The following ATP2A2 variants were observed in gnomAD, a reference collection of about 807,000 sequenced individuals.
ATP2A2 encodes ATPase sarcoplasmic/endoplasmic reticulum Ca2+ transporting 2.
Under a neutral mutation model 109.3 loss-of-function variants are expected in ATP2A2, and 14 were observed. The ratio of observed to expected loss-of-function variants is 0.13; its 90% CI spans 0.08 to 0.20. The LOEUF (loss-of-function observed/expected upper bound fraction) is 0.20. Ranked by LOEUF, ATP2A2 falls within the 10% of genes least tolerant of loss-of-function variation. The probability of loss-of-function intolerance (pLI) is 1.00; values close to 1 mark genes in which losing one functional copy is unlikely to be tolerated. For synonymous variants in ATP2A2, 506 were observed against 490.9 expected (o/e 1.03, Z -0.41); for missense variants, 657 against 1,321.6 (o/e 0.50, Z 7.80).
chr12:110,299,131 C>T (rs780184535), intron 5 of ATP2A2, among the ~76,000 whole-genome samples: 1 of 152,010 alleles, frequency 6.6e-6, no homozygotes, highest in Non-Finnish European at 1.5e-5. Context: ...AACCAAGCTC[C>T]TAGCTAAGTT....
intron 5 of ATP2A2, 132 bp downstream of exon 5, chr12:110,296,869 C>G (rs1874016702): frequency 9.6e-7 from 1 of 1,041,740 alleles, no homozygotes. Context: ...GCCATTCATA[C>G]AAATCCTACA....
chr12:110,282,420 T>C (rs1234280193), intron 1 of ATP2A2, among the ~76,000 whole-genome samples, 184 bp from the exon 2 acceptor site: 1 of 152,214 alleles, frequency 6.6e-6, no homozygotes, highest in African/African-American at 2.4e-5. Context: ...CCTTGAGATA[T>C]CTTCGTGGTA....
chr12:110,302,185 A>G (rs1241361765), intron 5 of ATP2A2, among the ~76,000 whole-genome samples: 2 of 152,196 alleles, frequency 1.3e-5, no homozygotes, highest in African/African-American at 2.4e-5. Flanking sequence ...GTTCTGTGGC[A>G]TTAAGTACAT....
At chr12:110,322,045 C>G (rs1300263620) in intron 5 of ATP2A2, among the ~76,000 whole-genome samples, 1 of 151,816 alleles carries the variant, frequency 6.6e-6, no homozygotes, top group African/African-American at 2.4e-5. Flanking sequence ...GGCTGGAGTG[C>G]AGTGGCGCGA....
At chr12:110,282,964 G>A (rs1226496165) in intron 3 of ATP2A2, among the ~76,000 whole-genome samples, 169 bp downstream of exon 3, 1 of 152,186 alleles carries the variant, frequency 6.6e-6, no homozygotes, top group Non-Finnish European at 1.5e-5. Context: ...CAAAACACTT[G>A]AAGCCATTGG....
chr12:110,314,919 T>TG (rs1876501745), intron 5 of ATP2A2, among the ~76,000 whole-genome samples: 1 of 149,838 alleles, frequency 6.7e-6, no homozygotes, highest in African/African-American at 2.5e-5. Flanking sequence ...CAGGCTGGAG[T>TG]GCAGTGGCAT....
chr12:110,323,157 C>T, intron 6 of ATP2A2, 85 bp downstream of exon 6: 3 of 995,528 alleles, frequency 3.0e-6, no homozygotes, highest in Non-Finnish European at 4.8e-6. Flanking sequence ...CTCACTGTCC[C>T]TTTATGGTAT....
chr12:110,346,764 TA>T lies in ATP2A2; in HGVS notation c.*302del, dbSNP rs758310383. On this transcript the variant is annotated 3_prime_UTR_variant, in exon 20 of 20. Transcript: ENST00000539276. Reference sequence around the variant, plus strand: ...GTTCTGTTTAATACTCATCCTTGTATAAAAAAAATAGTTGAGCCAGCAGACA... The same window carrying T: ...GTTCTGTTTAATACTCATCCTTGTATAAAAAAATAGTTGAGCCAGCAGACA... 6.2e-5 allele frequency: 74 copies of T among 1,197,046 alleles called. No individual in the cohort carries two copies. The highest frequency in any genetic ancestry group is 2.5e-4 in the East Asian group (5 of 20,386). The allele number at this position is 1,197,046 out of a possible 1,614,324, so 74.2% of individuals were successfully genotyped here. A position where few individuals can be genotyped will look rare whatever the true frequency, so the allele number is the denominator to read the frequency against.
chr12:110,317,252 C>G (rs1876764362), intron 5 of ATP2A2, among the ~76,000 whole-genome samples: 1 of 152,118 alleles, frequency 6.6e-6, no homozygotes, highest in South Asian at 2.1e-4. Flanking sequence ...GATTCAAAAA[C>G]AACAGTGGCA....
rs767108121 is a variant in ATP2A2 at position 110,340,608 on chromosome 12, G to A, written c.1762-51G>A. 6.3e-7 allele frequency: 1 copy of A among 1,592,208 alleles called. No homozygotes were observed. Among genetic ancestry groups the A allele is most frequent in the South Asian group, 1.1e-5 (1 of 90,050 alleles). On this transcript the variant is annotated intron_variant, in intron 13 of 19. Transcript: ENST00000539276. The surrounding 1 kb of genome is among the most constrained non-coding windows in gnomAD (Gnocchi z 6.0). ...TAACTGGGCATTTTTCAAACTAGGG[G>A]ACAAAAACTAGAACTTGCCACTTTT...
At position 110,350,035 on chromosome 12, in the gene ATP2A2, T is replaced by G; in HGVS notation, c.*3565T>G. ...CAACGATTGTGTCTGCCTCATGGGG[T>G]TTTCCTCCAGAGCCTTTATTCTGTA... On this transcript the variant is annotated 3_prime_UTR_variant, in exon 20 of 20. Transcript: ENST00000539276. 21 of 1,398,414 alleles carry G rather than the reference T, an allele frequency of 1.5e-5. No individual in the cohort carries two copies. The highest frequency in any genetic ancestry group is 1.9e-5 in the Non-Finnish European group (20 of 1,078,570). 86.6% of individuals were successfully genotyped at this position (1,398,414 alleles called of 1,614,324 possible). A position where few individuals can be genotyped will look rare whatever the true frequency, so the allele number is the denominator to read the frequency against.
intron 6 of ATP2A2, 110 bp from the exon 7 acceptor site, chr12:110,326,280 C>G: frequency 9.6e-7 from 1 of 1,045,426 alleles, no homozygotes; most frequent in Non-Finnish European, 1.5e-6. Flanking sequence ...CCAACCTTTT[C>G]TCACACTAAC....
In ATP2A2 at chr12:110,347,588, T is replaced by G. The variant is rs1201345082; in HGVS notation, c.*1118T>G. ...TGTGTATGTGTGTGTATGTGTGTGT[T>G]TTGTAAAATCTGTAAATAGCACATG... On this transcript the variant is annotated 3_prime_UTR_variant, in exon 20 of 20. Transcript: ENST00000539276. The G allele has an allele frequency of 9.7e-6, 12 of 1,240,770 alleles. No homozygotes were observed. Among genetic ancestry groups the G allele is most frequent in the Admixed American group, 5.3e-5 (2 of 37,464 alleles). 76.9% of individuals were successfully genotyped at this position (1,240,770 alleles called of 1,614,324 possible). A position where few individuals can be genotyped will look rare whatever the true frequency, so the allele number is the denominator to read the frequency against.
chr12:110,282,169 G>C (rs1470027868), intron 1 of ATP2A2, among the ~76,000 whole-genome samples: 1 of 152,168 alleles, frequency 6.6e-6, no homozygotes, highest in Non-Finnish European at 1.5e-5. Context: ...AGCCGGCCCC[G>C]GTGGAGGGAG....
At chr12:110,315,060 G>T (rs1375680968) in intron 5 of ATP2A2, among the ~76,000 whole-genome samples, 1 of 152,024 alleles carries the variant, frequency 6.6e-6, no homozygotes, top group Non-Finnish European at 1.5e-5. Flanking sequence ...TAGAGACGGG[G>T]TTTCACCATG....
At chr12:110,310,078 G>T (rs1163735684) in intron 5 of ATP2A2, among the ~76,000 whole-genome samples, 1 of 152,000 alleles carries the variant, frequency 6.6e-6, no homozygotes, top group Admixed American at 6.6e-5. Context: ...TAAGCTTTCT[G>T]TATTATCTGC....
chr12:110,338,615 C>A (rs1879064579), intron 11 of ATP2A2, among the ~76,000 whole-genome samples: 1 of 152,160 alleles, frequency 6.6e-6, no homozygotes, highest in Non-Finnish European at 1.5e-5. Flanking sequence ...CCTGCCACCA[C>A]ACCTAGCTAA....
chr12:110,320,471 C>T (rs999707673), intron 5 of ATP2A2, among the ~76,000 whole-genome samples: 6 of 152,282 alleles, frequency 3.9e-5, no homozygotes, highest in Admixed American at 1.3e-4. Context: ...CATCATTGAA[C>T]TTGTCCTCTT....
intron 5 of ATP2A2, among the ~76,000 whole-genome samples, chr12:110,312,047 C>T (rs1471445782): frequency 6.6e-6 from 1 of 151,894 alleles, no homozygotes; most frequent in African/African-American, 2.4e-5. Context: ...GGCATGTTGA[C>T]GTGCTCCTGT....
Sources: allele counts gnomAD v4.1 joint callset (sites outside exome capture counted in the v4.1 genomes callset), GRCh38; gene constraint gnomAD v4.1.1; non-coding constraint Gnocchi (gnomAD v3.1); transcripts MANE v1.5; gene names NCBI Gene and HGNC (gene_info 2026-07-23, HGNC 2026-07-21).